EDIL3: variants seen among roughly 807,000 people sequenced by gnomAD.
EDIL3 encodes EGF like and discoidin domains 3.
A neutral mutation model predicts 67.4 loss-of-function variants in EDIL3; 37 were observed. That is an observed-to-expected ratio of 0.55 (90% CI 0.42 to 0.72). The LOEUF is 0.72. Ranked by LOEUF, EDIL3 falls within the 30% of genes least tolerant of loss-of-function variation. The pLI is 0.00. For missense variants in EDIL3, 527 were observed against 586.3 expected, an observed-to-expected ratio of 0.90 and a Z score of 1.04; for synonymous variants, 195 against 196.3, an observed-to-expected ratio of 0.99 and a Z score of 0.05.
intron 4 of EDIL3, among the ~76,000 whole-genome samples, chr5:84,173,484 C>T (rs1748847426): frequency 6.6e-6 from 1 of 152,136 alleles, no homozygotes; most frequent in Non-Finnish European, 1.5e-5. Flanking sequence ...CTGCCCCCCT[C>T]TCCCGCCCCC....
intron 9 of EDIL3, among the ~76,000 whole-genome samples, chr5:84,055,910 C>T (rs966412984): frequency 6.6e-6 from 1 of 152,170 alleles, no homozygotes. Context: ...GGCGATTCCT[C>T]AGGGATCTAG....
intron 8 of EDIL3, among the ~76,000 whole-genome samples, chr5:84,064,251 G>T (rs1187619808): frequency 6.7e-6 from 1 of 150,154 alleles, no homozygotes; most frequent in East Asian, 1.9e-4. Context: ...ATGGTAGACA[G>T]ACAAAGATAA....
intron 1 of EDIL3, among the ~76,000 whole-genome samples, chr5:84,380,393 TTAAC>T (rs1748051347): frequency 6.6e-6 from 1 of 152,058 alleles, no homozygotes; most frequent in African/African-American, 2.4e-5. Context: ...AAGTAAATGA[TTAAC>T]TATGACAGAA....
chr5:83,944,721 T>A (rs961785665), intron 10 of EDIL3, among the ~76,000 whole-genome samples: 3 of 152,048 alleles, frequency 2.0e-5, no homozygotes, highest in Non-Finnish European at 4.4e-5. Flanking sequence ...TTTAAATTTT[T>A]AGAGTAAAAA....
At chr5:84,003,713 C>CAAAAT (rs1479646563) in intron 9 of EDIL3, among the ~76,000 whole-genome samples, 4 of 152,034 alleles carry the variant, frequency 2.6e-5, no homozygotes, top group African/African-American at 4.8e-5. Context: ...TTGGCCACTA[C>CAAAAT]AAAATATACT....
At chr5:84,254,299 C>T (rs1745087968) in intron 1 of EDIL3, 87 bp from the exon 2 acceptor site, 2 of 1,415,012 alleles carry the variant, frequency 1.4e-6, no homozygotes, top group Non-Finnish European at 1.9e-6. Flanking sequence ...TGGATGTTCC[C>T]TTGGCAAAGT....
At chr5:84,241,123 T>C (rs962836888) in intron 2 of EDIL3, among the ~76,000 whole-genome samples, 17 of 152,218 alleles carry the variant, frequency 1.1e-4, no homozygotes, top group African/African-American at 4.1e-4. Flanking sequence ...ATGATAATTA[T>C]TTTCTGCATT....
intron 9 of EDIL3, among the ~76,000 whole-genome samples, chr5:84,030,501 GA>G (rs33989992): frequency 0.37 from 52,518 of 143,070 alleles, 9,451 homozygotes; most frequent in African/African-American, 0.56. Flanking sequence ...GTTGGGATAT[GA>G]AAAAATCGCA....
intron 6 of EDIL3, among the ~76,000 whole-genome samples, chr5:84,092,871 G>A (rs1003828791): frequency 6.6e-6 from 1 of 152,112 alleles, no homozygotes; most frequent in Admixed American, 6.6e-5. Context: ...GGTTTAACTG[G>A]TAGACTTCCT....
intron 3 of EDIL3, among the ~76,000 whole-genome samples, chr5:84,197,459 G>GAGACC (rs1276487176): frequency 1.3e-5 from 2 of 151,858 alleles, no homozygotes; most frequent in Non-Finnish European, 2.9e-5. Context: ...TCAGGAGATG[G>GAGACC]AGACCATCTG....
intron 1 of EDIL3, among the ~76,000 whole-genome samples, chr5:84,274,476 C>A (rs1745535440): frequency 6.6e-6 from 1 of 151,990 alleles, no homozygotes; most frequent in Non-Finnish European, 1.5e-5. Flanking sequence ...ACATTCTAGA[C>A]CAATTTTCAC....
intron 6 of EDIL3, among the ~76,000 whole-genome samples, chr5:84,091,556 G>A (rs975855599): frequency 6.6e-6 from 1 of 152,188 alleles, no homozygotes; most frequent in Non-Finnish European, 1.5e-5. Flanking sequence ...GCTTAGTACT[G>A]TCACATTTTC....
At chr5:84,104,360 C>T (rs1206789623) in intron 6 of EDIL3, among the ~76,000 whole-genome samples, 1 of 149,824 alleles carries the variant, frequency 6.7e-6, no homozygotes, top group Non-Finnish European at 1.5e-5. Flanking sequence ...AACAAACCTG[C>T]ACATGTACCC....
intron 1 of EDIL3, among the ~76,000 whole-genome samples, chr5:84,340,030 A>G (rs1478875239): frequency 6.6e-6 from 1 of 152,062 alleles, no homozygotes; most frequent in Non-Finnish European, 1.5e-5. Flanking sequence ...TACATAGAAA[A>G]ATATTAAATT....
chr5:84,132,534 ATTTTATATATAATATATATTTTATATAT>A (rs1748007756), intron 5 of EDIL3, among the ~76,000 whole-genome samples: 1 of 113,732 alleles, frequency 8.8e-6, no homozygotes, highest in South Asian at 2.4e-4. Context: ...TATATTATAT[ATTTTATATATAATATATATTTTATATAT>A]TTTTAATATA....
intron 4 of EDIL3, among the ~76,000 whole-genome samples, chr5:84,141,926 C>CATATATAT (rs145638622): frequency 5.6e-5 from 7 of 124,916 alleles, no homozygotes; most frequent in African/African-American, 2.0e-4. Flanking sequence ...TATATATACA[C>CATATATAT]ATATATATAT....
chr5:84,006,992 C>T (rs1041730447), intron 9 of EDIL3, among the ~76,000 whole-genome samples: 1 of 152,016 alleles, frequency 6.6e-6, no homozygotes, highest in Non-Finnish European at 1.5e-5. Context: ...CATACATCTA[C>T]AGTAAACTCA....
chr5:84,360,114 C>T (rs1747565822), intron 1 of EDIL3, among the ~76,000 whole-genome samples: 1 of 152,128 alleles, frequency 6.6e-6, no homozygotes, highest in African/African-American at 2.4e-5. Context: ...CACACTGAAA[C>T]TACTACCGAG....
At chr5:83,945,813 C>T (rs569515684) in intron 10 of EDIL3, among the ~76,000 whole-genome samples, 39 of 151,928 alleles carry the variant, frequency 2.6e-4, no homozygotes, top group African/African-American at 8.7e-4. Flanking sequence ...AAAACAATAA[C>T]GTTCACAGAA....
Sources: gnomAD v4.1 joint callset for allele counts (sites outside exome capture counted in the v4.1 genomes callset) on GRCh38, gnomAD v4.1.1 for gene constraint, MANE v1.5 for transcripts, NCBI Gene and HGNC (gene_info 2026-07-23, HGNC 2026-07-21) for gene names.